Variants in FER1L5 observed in about 807,000 individuals in gnomAD.
The protein encoded by FER1L5 is fer-1 like family member 5.
In FER1L5, 187 loss-of-function variants were observed where a neutral mutation model predicts 279.9. The ratio of observed to expected loss-of-function variants is 0.67; its 90% CI spans 0.59 to 0.75. The LOEUF (loss-of-function observed/expected upper bound fraction) is 0.75, where lower values mean the gene tolerates loss of function less well. FER1L5 is among the 30% of genes least tolerant of loss of function. The pLI, the probability that FER1L5 is intolerant of heterozygous loss-of-function variation, is 0.00. For synonymous variants in FER1L5, 921 were observed against 989.7 expected (o/e 0.93, Z 1.30); for missense variants, 2,091 against 2,594.4 (o/e 0.81, Z 4.21).
chr2:96,699,148 C>T lies in FER1L5; in HGVS notation c.4610+12C>T, dbSNP rs773748206. ...CCCATCTTTGGCATGTGAGCTGCCC[C>T]AACCCCCAAGACCCCTTCTCCACTC... On this transcript the variant is annotated intron_variant, in intron 42 of 52. Coordinates refer to ENST00000624922, the MANE Select transcript of FER1L5 (RefSeq NM_001293083.2). 6.3e-7 allele frequency: 1 copy of T among 1,598,584 alleles called. No individual in the cohort carries two copies. Among genetic ancestry groups the T allele is most frequent in the Non-Finnish European group, 8.5e-7 (1 of 1,172,572 alleles).
intron 44 of FER1L5, 35 bp downstream of exon 44, chr2:96,700,115 C>G (rs965012665): frequency 8.7e-6 from 14 of 1,611,012 alleles, no homozygotes; most frequent in Middle Eastern, 3.3e-4. Context: ...AAAGCACAGA[C>G]ACAGGCCTCT....
At chr2:96,645,946 C>G (rs1408907857) in intron 1 of FER1L5, among the ~76,000 whole-genome samples, 1 of 151,514 alleles carries the variant, frequency 6.6e-6, no homozygotes, top group Non-Finnish European at 1.5e-5. Context: ...CACCTGCCAC[C>G]TGCCTTGACT....
intron 1 of FER1L5, 47 bp downstream of exon 1, chr2:96,642,968 C>A (rs771298345): frequency 6.1e-5 from 91 of 1,494,252 alleles, no homozygotes; most frequent in Non-Finnish European, 2.8e-5. Context: ...CCCCCAGAGG[C>A]AACATGGATT....
intron 9 of FER1L5, among the ~76,000 whole-genome samples, chr2:96,656,552 C>A (rs1428596808): frequency 6.6e-6 from 1 of 152,176 alleles, no homozygotes; most frequent in East Asian, 1.9e-4. Flanking sequence ...ATCATTTGAA[C>A]CCAGATGGTA....
At position 96,644,080 on chromosome 2, in the gene FER1L5, G is replaced by A. The variant is rs537159486; in HGVS notation, c.85+1159G>A. Among the ~76,000 whole-genome samples, 25 of 151,412 alleles carry A rather than the reference G, an allele frequency of 1.7e-4. 2 individuals carry two copies. The South Asian group carries it at 4.0e-3, about 24-fold the overall frequency. The stretch of plus-strand genomic sequence containing the variant: ...CCAGCTACTTGGGAGGCTGAGGCAG[G>A]AGAATCGCTTGAACCTGGGAGGCGG... On this transcript the variant is annotated intron_variant, in intron 1 of 52. Transcript: ENST00000624922.
rs1389910423 is a variant in FER1L5 at position 96,651,931 on chromosome 2, A to C, written c.544A>C (p.Asn182His). ...GTTTGAAGCCCGACAGCTCATGGGCAACAACATCAAACCAGTGGTGAAGGT... is the reference window on the plus strand; with the variant it reads ...GTTTGAAGCCCGACAGCTCATGGGCCACAACATCAAACCAGTGGTGAAGGT... Reference protein sequence around the residue: ...KVFEARQLMGNNIKPVVKVSI... With the variant: ...KVFEARQLMGHNIKPVVKVSI... The change falls in exon 7 of 53, where the codon AAC becomes CAC. Residue 182 changes from asparagine to histidine, a missense_variant. By Grantham distance (68) the Asn-to-His change is moderately conservative. Transcript: ENST00000624922. The C allele has an allele frequency of 1.1e-5, 17 of 1,551,914 alleles. No individual in the cohort carries two copies. The South Asian group carries it at 1.8e-4, about 16-fold the overall frequency.
chr2:96,702,291 GCA>G lies in FER1L5; in HGVS notation c.5160-12_5160-11del. 2 of 1,607,350 alleles carry G rather than the reference GCA, an allele frequency of 1.2e-6. No homozygotes were observed. Among genetic ancestry groups the G allele is most frequent in the Middle Eastern group, 3.3e-4 (2 of 6,058 alleles). On this transcript the variant is annotated splice_polypyrimidine_tract_variant and intron_variant, in intron 46 of 52. Transcript: ENST00000624922. The surrounding 1 kb of genome is among the most constrained non-coding windows in gnomAD (Gnocchi z 4.0). The stretch of plus-strand genomic sequence containing the variant: ...AGCTCCTCCTCAGCAAAGCCTCAGA[GCA>G]CAGTGGCCACAGGTATGAGCTGCGA...
chr2:96,697,968 C>G (rs538149216), intron 39 of FER1L5, 69 bp from the exon 40 acceptor site: 6 of 1,515,598 alleles, frequency 4.0e-6, no homozygotes, highest in Non-Finnish European at 5.3e-6. Flanking sequence ...GACCTGGGAG[C>G]TGGTGGTCCC....
At chr2:96,693,146 G>T (rs948596351) in intron 31 of FER1L5, among the ~76,000 whole-genome samples, 1 of 151,098 alleles carries the variant, frequency 6.6e-6, no homozygotes, top group African/African-American at 2.4e-5. Context: ...CTGCACTCCA[G>T]CCTGGGCGAA....
chr2:96,703,063 C>A lies in FER1L5; in HGVS notation c.5483C>A (p.Pro1828His), dbSNP rs373937760. The part of the protein sequence containing the change: ...IQVWDNDIFS[P>H]DDFLGVLELD... Reference sequence around the variant, plus strand: ...GTCTGGGACAATGACATCTTCTCCCCCGACGACTTCCTAGGTGAGGTCCTG... The same window carrying A: ...GTCTGGGACAATGACATCTTCTCCCACGACGACTTCCTAGGTGAGGTCCTG... Residue 1828 changes from proline (P) to histidine (H), a missense_variant, in exon 49 of 53, where the codon CCC becomes CAC. Transcript: ENST00000624922. 497 of 1,613,628 alleles carry A rather than the reference C, an allele frequency of 3.1e-4. No individual in the cohort carries two copies. The highest frequency in any genetic ancestry group is 4.0e-4 in the Non-Finnish European group (477 of 1,179,764).
intron 1 of FER1L5, 61 bp from the exon 2 acceptor site, chr2:96,646,340 C>A: frequency 6.5e-7 from 1 of 1,538,098 alleles, no homozygotes; most frequent in Non-Finnish European, 8.8e-7. Flanking sequence ...CTTTACCCCA[C>A]TCCAACCCAG....
intron 9 of FER1L5, among the ~76,000 whole-genome samples, chr2:96,659,417 C>CTT: frequency 1.4e-4 from 1 of 7,224 alleles, no homozygotes; most frequent in South Asian, 5.6e-3. Flanking sequence ...TTCTTTCTTT[C>CTT]TTTCTTTCTT....
intron 19 of FER1L5, among the ~76,000 whole-genome samples, chr2:96,681,003 C>A (rs1228528484): frequency 6.6e-6 from 1 of 152,212 alleles, no homozygotes; most frequent in Non-Finnish European, 1.5e-5. Flanking sequence ...GGATTGCAGG[C>A]GTGAGCCGCC....
chr2:96,669,926 G>T (rs1230573798), intron 17 of FER1L5, among the ~76,000 whole-genome samples, 193 bp from the exon 18 acceptor site: 1 of 152,186 alleles, frequency 6.6e-6, no homozygotes, highest in Non-Finnish European at 1.5e-5. Context: ...ATCCCAGGGT[G>T]CAGAAGAGGG....
Position 96,700,002 on chromosome 2 carries a change from G to C in FER1L5, c.4852G>C (p.Gly1618Arg). 1 of 1,614,006 alleles carries C rather than the reference G, an allele frequency of 6.2e-7. No homozygotes were observed. The highest frequency in any genetic ancestry group is 1.1e-5 in the South Asian group (1 of 91,088). The change falls in exon 44 of 53, where the codon GGG becomes CGG. Residue 1618 changes from glycine to arginine, a missense_variant. Physicochemically the swap from Gly to Arg is moderately radical, Grantham distance 125. Coordinates refer to ENST00000624922, the MANE Select transcript of FER1L5 (RefSeq NM_001293083.2). ...YLLERYAKRK[G>R]LPPPLFSPEE... is the part of the protein sequence containing the mutation. ...CCTAGAACGCTATGCCAAGCGGAAA[G>C]GGCTACCTCCGCCTCTGTTCAGTCC...
intron 34 of FER1L5, chr2:96,695,300 C>A: frequency 6.3e-6 from 4 of 630,268 alleles, no homozygotes; most frequent in Non-Finnish European, 1.0e-5. Flanking sequence ...GGGACAGCGT[C>A]CCAGCCCCGA....
chr2:96,701,854 C>A, intron 45 of FER1L5, 101 bp from the exon 46 acceptor site: 1 of 1,141,544 alleles, frequency 8.8e-7, no homozygotes, highest in Non-Finnish European at 1.3e-6. Context: ...GTTGGGAACA[C>A]AACCTCAACA....
Position 96,691,485 on chromosome 2 carries a change from C to T in FER1L5, c.2948C>T (p.Thr983Ile). 1 of 1,549,086 alleles carries T rather than the reference C, an allele frequency of 6.5e-7. No homozygotes were observed. The highest frequency in any genetic ancestry group is 8.7e-7 in the Non-Finnish European group (1 of 1,146,014). ...GAGGAGGAGGGCTGGGAGTATGACA[C>T]CTTCGGCTCCAAGTTCCACCTCAAC... is the stretch of plus-strand genomic sequence containing the variant. ...KGEEEGWEYD[T>I]FGSKFHLNPQ... Residue 983 changes from threonine to isoleucine, a missense_variant, in exon 29 of 53, where the codon ACC becomes ATC. Thr to Ile is a moderately conservative substitution (Grantham distance 89). Transcript: ENST00000624922. The surrounding 1 kb of genome is among the most constrained non-coding windows in gnomAD (Gnocchi z 6.0).
intron 19 of FER1L5, among the ~76,000 whole-genome samples, chr2:96,677,183 G>A (rs1227351945): frequency 6.6e-6 from 1 of 152,220 alleles, no homozygotes. Flanking sequence ...CTAATATTTT[G>A]TTGAGGCTTT....
Sources: allele counts gnomAD v4.1 joint callset (sites outside exome capture counted in the v4.1 genomes callset), GRCh38; gene constraint gnomAD v4.1.1; non-coding constraint Gnocchi (gnomAD v3.1); transcripts MANE v1.5; gene names NCBI Gene and HGNC (gene_info 2026-07-23, HGNC 2026-07-21).